The following NR3C2 variants were observed in gnomAD, a reference collection of about 807,000 sequenced individuals.
NR3C2 encodes nuclear receptor subfamily 3 group C member 2, also known as mineralocorticoid receptor.
NR3C2 carries 15 observed loss-of-function variants against 86.4 expected under a neutral mutation model. The observed-to-expected ratio is 0.17, with a 90% CI of 0.12 to 0.27. The LOEUF is 0.27. Among genes scored for constraint, NR3C2 ranks in the 10% least tolerant of loss-of-function variants. The pLI is 1.00. For missense variants in NR3C2, 960 were observed against 1,195.6 expected (o/e 0.80, Z 2.91); for synonymous variants, 458 against 450.5 (o/e 1.02, Z -0.21).
At chr4:148,123,365 C>A (rs1242497667) in intron 6 of NR3C2, among the ~76,000 whole-genome samples, 1 of 152,194 alleles carries the variant, frequency 6.6e-6, no homozygotes, top group Admixed American at 6.5e-5. Context: ...GCCTTGTGAT[C>A]TTTGTTGTAC....
upstream of NR3C2, chr4:148,444,053 G>T (rs534548323): frequency 6.1e-6 from 6 of 985,356 alleles, no homozygotes; most frequent in South Asian, 2.3e-4. Flanking sequence ...TTCCCGCGGG[G>T]CCCACCGTCA....
chr4:148,332,775 T>C (rs948155928), intron 2 of NR3C2, among the ~76,000 whole-genome samples: 5 of 152,218 alleles, frequency 3.3e-5, no homozygotes, highest in Non-Finnish European at 7.3e-5. Flanking sequence ...AAGTAGTACA[T>C]CTTTATGGAA....
chr4:148,287,392 T>A (rs745586077), intron 2 of NR3C2, among the ~76,000 whole-genome samples: 30 of 152,200 alleles, frequency 2.0e-4, no homozygotes, highest in South Asian at 4.1e-4. Context: ...CTGATCATCA[T>A]CTAGTAAGAC....
At chr4:148,346,662 C>A (rs1745008901) in intron 2 of NR3C2, among the ~76,000 whole-genome samples, 1 of 152,068 alleles carries the variant, frequency 6.6e-6, no homozygotes, top group South Asian at 2.1e-4. Flanking sequence ...ATACATGCTA[C>A]ATTTCCAAGA....
chr4:148,115,925 A>C (rs1732255070), intron 7 of NR3C2, among the ~76,000 whole-genome samples: 1 of 152,220 alleles, frequency 6.6e-6, no homozygotes, highest in Non-Finnish European at 1.5e-5. Flanking sequence ...TAAAAGTAAA[A>C]AAACAAAAAG....
chr4:148,079,984 G>T lies in NR3C2; in HGVS notation c.*1360C>A, dbSNP rs1311764278. 1 of 152,090 alleles carries T rather than the reference G, an allele frequency of 6.6e-6. No individual in the cohort carries two copies. The highest frequency in any genetic ancestry group is 2.4e-5 in the African/African-American group (1 of 41,418). The allele number at this position is 152,090 out of a possible 1,614,324, so 9.4% of individuals were successfully genotyped here. On this transcript the variant is annotated 3_prime_UTR_variant, in exon 9 of 9. Coordinates refer to ENST00000358102, the MANE Select transcript of NR3C2 (RefSeq NM_000901.5). Reference sequence around the variant, plus strand: ...TGCATGGAATTTTTTTTTCCCACAGGAGAAAATCTGATTTTCTAAAATGGG... The same window carrying T: ...TGCATGGAATTTTTTTTTCCCACAGTAGAAAATCTGATTTTCTAAAATGGG...
intron 4 of NR3C2, among the ~76,000 whole-genome samples, chr4:148,166,449 T>C (rs1361331121): frequency 6.6e-6 from 1 of 152,206 alleles, no homozygotes; most frequent in Non-Finnish European, 1.5e-5. Context: ...TAACTTCTGT[T>C]TTTTCATTTG....
chr4:148,422,404 T>C (rs1749326816), intron 2 of NR3C2, among the ~76,000 whole-genome samples: 1 of 152,058 alleles, frequency 6.6e-6, no homozygotes, highest in African/African-American at 2.4e-5. Context: ...AGGATATAAT[T>C]TCCATTTCAA....
At chr4:148,433,255 T>A (rs1010727042) in intron 2 of NR3C2, among the ~76,000 whole-genome samples, 5 of 152,168 alleles carry the variant, frequency 3.3e-5, no homozygotes, top group African/African-American at 1.2e-4. Flanking sequence ...ACTGCATCTG[T>A]AATATTTCTA....
At chr4:148,346,254 C>T (rs1238750551) in intron 2 of NR3C2, among the ~76,000 whole-genome samples, 8 of 151,994 alleles carry the variant, frequency 5.3e-5, no homozygotes, top group African/African-American at 1.9e-4. Context: ...TGTGTTATGG[C>T]AAGAATGAAG....
At chr4:148,116,964 A>C (rs1732299475) in intron 7 of NR3C2, among the ~76,000 whole-genome samples, 1 of 152,220 alleles carries the variant, frequency 6.6e-6, no homozygotes, top group Admixed American at 6.5e-5. Flanking sequence ...TTTTCTAACC[A>C]GTAATGGTTA....
At chr4:148,135,949 T>A (rs56104428) in intron 6 of NR3C2, among the ~76,000 whole-genome samples, 1 of 105,880 alleles carries the variant, frequency 9.4e-6, no homozygotes, top group Non-Finnish European at 2.1e-5. Context: ...CCCAGCTACT[T>A]GGGAGGCTGA....
intron 8 of NR3C2, among the ~76,000 whole-genome samples, chr4:148,103,104 C>T (rs928587752): frequency 1.3e-5 from 2 of 152,166 alleles, no homozygotes; most frequent in African/African-American, 2.4e-5. Context: ...CTTAGAATAG[C>T]TTCCATCTAT....
upstream of NR3C2, chr4:148,442,896 CG>C (rs1750424102): frequency 8.1e-6 from 8 of 985,234 alleles, no homozygotes; most frequent in Non-Finnish European, 8.4e-6. Flanking sequence ...TGTGCTGACG[CG>C]GAAGAAGTCG....
intron 2 of NR3C2, among the ~76,000 whole-genome samples, chr4:148,407,673 A>G (rs1748488641): frequency 2.8e-5 from 1 of 35,994 alleles, no homozygotes; most frequent in Admixed American, 3.6e-4. Flanking sequence ...TAAATCACTC[A>G]AATCTATCAG....
chr4:148,178,714 C>G (rs1450388638), intron 4 of NR3C2, among the ~76,000 whole-genome samples: 1 of 151,446 alleles, frequency 6.6e-6, no homozygotes, highest in Non-Finnish European at 1.5e-5. Context: ...TCTATATTCT[C>G]TCAGCCCAAT....
In NR3C2 at chr4:148,441,497, A is replaced by G. The variant is rs533809428; in HGVS notation, c.-3+663T>C. Among the ~76,000 whole-genome samples, 7 of 152,314 alleles carry G rather than the reference A, an allele frequency of 4.6e-5. No homozygotes were observed. In the South Asian group the frequency reaches 1.5e-3, roughly 32 times the overall value. On this transcript the variant is annotated intron_variant, in intron 1 of 8. Coordinates refer to ENST00000358102, the MANE Select transcript of NR3C2 (RefSeq NM_000901.5). ...TCCTATGTCATAATAAATAATTAAA[A>G]CTGATGGTGCCATAAACCATTATTA...
At chr4:148,176,580 A>T (rs944881228) in intron 4 of NR3C2, among the ~76,000 whole-genome samples, 7 of 152,218 alleles carry the variant, frequency 4.6e-5, no homozygotes, top group African/African-American at 1.7e-4. Flanking sequence ...AAAGAGAAAG[A>T]ACTCTGGGGA....
At chr4:148,147,394 C>A (rs1733919326) in intron 6 of NR3C2, among the ~76,000 whole-genome samples, 1 of 152,350 alleles carries the variant, frequency 6.6e-6, no homozygotes, top group Admixed American at 6.5e-5. Context: ...ACTTCATCCT[C>A]ATAATTAGAA....
Sources: allele counts gnomAD v4.1 joint callset (sites outside exome capture counted in the v4.1 genomes callset), GRCh38; gene constraint gnomAD v4.1.1; transcripts MANE v1.5; gene names NCBI Gene and HGNC (gene_info 2026-07-23, HGNC 2026-07-21).